CLRN3: variants seen among roughly 807,000 people sequenced by gnomAD.
The protein encoded by CLRN3 is clarin-3.
Under a neutral mutation model 16.7 loss-of-function variants are expected in CLRN3, and 12 were observed. The observed-to-expected ratio is 0.72, with a 90% CI of 0.46 to 1.16. The LOEUF (loss-of-function observed/expected upper bound fraction) is 1.16. Ranked by LOEUF, CLRN3 falls within the 50% of genes most tolerant of loss-of-function variation. The pLI is 0.00. For synonymous variants in CLRN3, 118 were observed against 113.0 expected, an observed-to-expected ratio of 1.04 and a Z score of -0.28; for missense variants, 296 against 274.2, an observed-to-expected ratio of 1.08 and a Z score of -0.56.
At chr10:127,879,135 G>A (rs945349062) in intron 2 of CLRN3, among the ~76,000 whole-genome samples, 1 of 151,698 alleles carries the variant, frequency 6.6e-6, no homozygotes, top group African/African-American at 2.4e-5. Flanking sequence ...TTTGAGATGG[G>A]GTCTCACTCT....
intron 2 of CLRN3, among the ~76,000 whole-genome samples, chr10:127,879,194 C>A (rs1055252390): frequency 6.6e-6 from 1 of 152,136 alleles, no homozygotes; most frequent in Non-Finnish European, 1.5e-5. Context: ...ACTGAACCTC[C>A]ACCTCCCAGG....
Position 127,878,159 on chromosome 10 carries a change from A to C in CLRN3, c.671T>G (p.Ile224Ser). 6.2e-7 allele frequency: 1 copy of C among 1,611,448 alleles called. No homozygotes were observed. The highest frequency in any genetic ancestry group is 8.5e-7 in the Non-Finnish European group (1 of 1,177,668). Residue 224 changes from isoleucine to serine, a missense_variant, in exon 3 of 3, where the codon ATT becomes AGT. Physicochemically the swap from Ile to Ser is moderately radical, Grantham distance 142 (BLOSUM62 -2). Coordinates refer to ENST00000368671, the MANE Select transcript of CLRN3 (RefSeq NM_152311.5). ...KPMEYAPRDG[I>S]LF The stretch of plus-strand genomic sequence containing the variant: ...GAGATGAAAGAGAATTCAGAATAAA[A>C]TTCCGTCCCTTGGAGCATATTCCAT...
chr10:127,890,453 C>T (rs994799929), intron 1 of CLRN3, among the ~76,000 whole-genome samples: 4 of 152,250 alleles, frequency 2.6e-5, no homozygotes, highest in South Asian at 2.1e-4. Context: ...TCTGCTATTT[C>T]GTTTCAAATC....
chr10:127,879,533 T>G (rs11018383), intron 2 of CLRN3, among the ~76,000 whole-genome samples: 2 of 151,288 alleles, frequency 1.3e-5, no homozygotes, highest in Non-Finnish European at 2.9e-5. Flanking sequence ...CTGAGCCTCA[T>G]TCCTCATCTT....
chr10:127,892,402 G>A (rs908692121), intron 1 of CLRN3, among the ~76,000 whole-genome samples, 154 bp downstream of exon 1: 1 of 152,166 alleles, frequency 6.6e-6, no homozygotes, highest in Non-Finnish European at 1.5e-5. Flanking sequence ...TAATGACATG[G>A]CAAATTTCCA....
chr10:127,888,243 G>C (rs1845219345), intron 1 of CLRN3, among the ~76,000 whole-genome samples: 1 of 152,222 alleles, frequency 6.6e-6, no homozygotes, highest in Non-Finnish European at 1.5e-5. Context: ...AGATCTCCAA[G>C]TGTGGCCTGG....
intron 1 of CLRN3, among the ~76,000 whole-genome samples, chr10:127,892,030 T>A (rs1168956505): frequency 6.6e-6 from 1 of 152,170 alleles, no homozygotes; most frequent in East Asian, 1.9e-4. Flanking sequence ...TCCTATCAAA[T>A]ATACAATTAA....
rs761437825 is a variant in CLRN3, at chr10:127,883,716, T to C, written c.389A>G (p.Tyr130Cys). Residue 130 changes from tyrosine to cysteine, a missense_variant, in exon 2 of 3, where the codon TAC becomes TGC. Physicochemically the swap from Tyr to Cys is radical, Grantham distance 194. Transcript: ENST00000368671. ...CTCACCACCGAGCCCGTTCCAGGTG[T>C]ACACCCCCGTCGGCCCCAGGAATGT... ...YQTFLGPTGV[Y>C]TWNGLGASFV... 1.9e-6 allele frequency: 3 copies of C among 1,613,406 alleles called. No individual in the cohort carries two copies. The highest frequency in any genetic ancestry group is 1.7e-4 in the Middle Eastern group (1 of 6,058).
Position 127,878,194 on chromosome 10 carries a change from C to T in CLRN3, c.636G>A (p.Gln212=). 1 of 1,614,140 alleles carries T rather than the reference C, an allele frequency of 6.2e-7. No homozygotes were observed. The highest frequency in any genetic ancestry group is 8.5e-7 in the Non-Finnish European group (1 of 1,179,972). The change falls in exon 3 of 3, where the codon CAG becomes CAA. Residue 212 remains glutamine, a synonymous_variant. Transcript: ENST00000368671. ...TTGGAGCATATTCCATTGGCTTTCTCTGCTCCTGCTTCCGCTGGTATCTGG... is the reference window on the plus strand; with the variant it reads ...TTGGAGCATATTCCATTGGCTTTCTTTGCTCCTGCTTCCGCTGGTATCTGG... The part of the protein sequence containing the change: ...QKARYQRKQE[Q]RKPMEYAPRD...
In CLRN3 at chr10:127,878,314, TC is replaced by T; in HGVS notation, c.515del (p.Gly172GlufsTer19). ...ACGAGTATCCGTAACTGTGGGTCGTTCCTTTACTGGTGGTTGCCGGGTAAAG... is the reference window on the plus strand; with the variant it reads ...ACGAGTATCCGTAACTGTGGGTCGTTCTTTACTGGTGGTTGCCGGGTAAAG... ...QMLYPATTSKGTTHSYGYSFW... is the reference protein window; with the variant it reads ...QMLYPATTSKXTTHSYGYSFW... On this transcript the variant is annotated frameshift_variant, in exon 3 of 3. Transcript: ENST00000368671. LOFTEE classifies it high-confidence loss of function. 6.2e-7 allele frequency: 1 copy of T among 1,614,208 alleles called. No individual in the cohort carries two copies. The highest frequency in any genetic ancestry group is 8.5e-7 in the Non-Finnish European group (1 of 1,180,036).
At position 127,892,930 on chromosome 10, in the gene CLRN3, G is replaced by A; in HGVS notation, c.-146C>T. Reference sequence around the variant, plus strand: ...AAAATCTCACTCTTCCTGAGGAAGGGTTATGCTAATGGACATTGAACTCTG... The same window carrying A: ...AAAATCTCACTCTTCCTGAGGAAGGATTATGCTAATGGACATTGAACTCTG... On this transcript the variant is annotated 5_prime_UTR_variant, in exon 1 of 3. Coordinates refer to ENST00000368671, the MANE Select transcript of CLRN3 (RefSeq NM_152311.5). The A allele has an allele frequency of 1.6e-6, 1 of 617,476 alleles. No homozygotes were observed. Among genetic ancestry groups the A allele is most frequent in the Non-Finnish European group, 2.8e-6 (1 of 351,330 alleles). The allele number at this position is 617,476 out of a possible 1,614,324, so 38.2% of individuals were successfully genotyped here.
intron 2 of CLRN3, 120 bp downstream of exon 2, chr10:127,883,576 C>T (rs1803327641): frequency 1.3e-6 from 1 of 754,558 alleles, no homozygotes; most frequent in Non-Finnish European, 2.4e-6. Flanking sequence ...ATGGGAGGTC[C>T]TCATAGTTTC....
chr10:127,888,942 C>A (rs1197225926), intron 1 of CLRN3, among the ~76,000 whole-genome samples: 2 of 152,096 alleles, frequency 1.3e-5, no homozygotes, highest in African/African-American at 2.4e-5. Flanking sequence ...AGGGCCTCAC[C>A]CCGCGGAGAT....
intron 1 of CLRN3, among the ~76,000 whole-genome samples, chr10:127,887,390 T>C (rs1459786176): frequency 1.3e-5 from 2 of 152,042 alleles, no homozygotes; most frequent in Non-Finnish European, 2.9e-5. Flanking sequence ...GCAGTATTTT[T>C]CTGCTTTACA....
At chr10:127,885,246 G>A (rs1845179721) in intron 1 of CLRN3, among the ~76,000 whole-genome samples, 1 of 152,158 alleles carries the variant, frequency 6.6e-6, no homozygotes, top group South Asian at 2.1e-4. Flanking sequence ...ACCCCAGGGT[G>A]CTGTGGGCAC....
intron 2 of CLRN3, among the ~76,000 whole-genome samples, chr10:127,881,855 C>G (rs979065068): frequency 6.6e-6 from 1 of 152,198 alleles, no homozygotes; most frequent in Non-Finnish European, 1.5e-5. Context: ...GGAGTCAACG[C>G]TGAGGATTTC....
rs762219085 is a variant in CLRN3 at position 127,878,268 on chromosome 10, T to G, written c.562A>C (p.Ile188Leu). The change falls in exon 3 of 3, where the codon ATT becomes CTT. Residue 188 changes from isoleucine (I) to leucine (L), a missense_variant. Ile to Leu is a conservative substitution (Grantham distance 5). Transcript: ENST00000368671. ...GTTACAGTGACTATATTTAGAAGAATGACGAGCAGTATGAGCCAGAACGAG... is the reference window on the plus strand; with the variant it reads ...GTTACAGTGACTATATTTAGAAGAAGGACGAGCAGTATGAGCCAGAACGAG... ...GYSFWLILLVILLNIVTVTII... is the reference protein window; with the variant it reads ...GYSFWLILLVLLLNIVTVTII... 1 of 1,614,200 alleles carries G rather than the reference T, an allele frequency of 6.2e-7. No individual in the cohort carries two copies.
chr10:127,886,779 C>T (rs1845199905), intron 1 of CLRN3, among the ~76,000 whole-genome samples: 2 of 152,234 alleles, frequency 1.3e-5, no homozygotes, highest in South Asian at 4.1e-4. Context: ...CAAAGTCCAG[C>T]TCGCACAGGT....
rs1591261742 is a variant in CLRN3 at position 127,887,101 on chromosome 10, G to A, written c.230-3226C>T. 2.0e-5 allele frequency among the ~76,000 whole-genome samples: 3 copies of A among 152,278 alleles called. No homozygotes were observed. In the South Asian group the frequency reaches 6.2e-4, roughly 32 times the overall value. ...GTGCAGCCGTTGGGGGATTAATATT[G>A]CTACAATTTAGCACACACTTGTTTT... On this transcript the variant is annotated intron_variant, in intron 1 of 2. Transcript: ENST00000368671.
Sources: allele counts gnomAD v4.1 joint callset (sites outside exome capture counted in the v4.1 genomes callset), GRCh38; gene constraint gnomAD v4.1.1; transcripts MANE v1.5; gene names NCBI Gene and HGNC (gene_info 2026-07-23, HGNC 2026-07-21).